Variants in BAIAP2L2 observed in about 807,000 individuals in gnomAD.
The protein encoded by BAIAP2L2 is BAR/IMD domain-containing adapter protein 2-like 2.
BAIAP2L2 carries 65 observed loss-of-function variants against 60.4 expected under a neutral mutation model. That is an observed-to-expected ratio of 1.08 (90% CI 0.88 to 1.32). BAIAP2L2 has a LOEUF of 1.32. Ranked by LOEUF, BAIAP2L2 falls within the 40% of genes most tolerant of loss-of-function variation. BAIAP2L2 has a pLI of 0.00. For missense variants in BAIAP2L2, 836 were observed against 741.2 expected (o/e 1.13, Z -1.48); for synonymous variants, 344 against 301.7 (o/e 1.14, Z -1.45).
intron 8 of BAIAP2L2, 67 bp downstream of exon 8, chr22:38,089,434 GGAGGCTCCAGGCTGGGGGCCT>G: frequency 1.4e-6 from 1 of 725,518 alleles, no homozygotes; most frequent in Non-Finnish European, 1.9e-6. Flanking sequence ...CTGGGGGGCA[GGAGGCTCCAGGCTGGGGGCCT>G]GAGGCCCCGG....
chr22:38,085,528 T>G (rs2086034471), intron 13 of BAIAP2L2, among the ~76,000 whole-genome samples, 153 bp from the exon 14 acceptor site: 1 of 152,120 alleles, frequency 6.6e-6, no homozygotes, highest in African/African-American at 2.4e-5. Context: ...TTTTTTTTCT[T>G]TTAAGAGATA....
In BAIAP2L2 at chr22:38,088,908, G is replaced by A; in HGVS notation, c.958C>T (p.Pro320Ser). 3 of 1,560,768 alleles carry A rather than the reference G, an allele frequency of 1.9e-6. No individual in the cohort carries two copies. Among genetic ancestry groups the A allele is most frequent in the Non-Finnish European group, 2.6e-6 (3 of 1,160,880 alleles). ...SSRSNSFGER[P>S]GGGGGARRVR... ...CTCCTGGCGCCCCCGCCGCCGCCCG[G>A]GCGCTCGCCAAAGGAGTTGGAGCGC... Residue 320 changes from proline to serine, a missense_variant, in exon 10 of 14, where the codon CCG becomes TCG. Coordinates refer to ENST00000381669, the MANE Select transcript of BAIAP2L2 (RefSeq NM_025045.6).
intron 8 of BAIAP2L2, 59 bp downstream of exon 8, chr22:38,089,447 TGGGGGCCTGAGGCCCC>T (rs1018642479): frequency 1.3e-6 from 1 of 787,922 alleles, no homozygotes; most frequent in African/African-American, 2.0e-5. Flanking sequence ...GGCTCCAGGC[TGGGGGCCTGAGGCCCC>T]GGGCCCCCGC....
At chr22:38,101,370 A>AT (rs1415677420) in intron 4 of BAIAP2L2, among the ~76,000 whole-genome samples, 1 of 97,370 alleles carries the variant, frequency 1.0e-5, no homozygotes, top group African/African-American at 4.4e-5. Context: ...CTGTCTCTAC[A>AT]TAAAAAAAAA....
At chr22:38,103,005 C>A (rs994581853) in intron 4 of BAIAP2L2, among the ~76,000 whole-genome samples, 2 of 151,280 alleles carry the variant, frequency 1.3e-5, no homozygotes, top group African/African-American at 4.9e-5. Context: ...GATATCACAC[C>A]ACTGCACTCC....
chr22:38,099,879 CAGA>C (rs2086529050), intron 4 of BAIAP2L2, among the ~76,000 whole-genome samples: 2 of 152,188 alleles, frequency 1.3e-5, no homozygotes, highest in South Asian at 4.1e-4. Context: ...GGGGATCGCC[CAGA>C]AAAGGAATGC....
chr22:38,104,698 G>T (rs768009674), intron 4 of BAIAP2L2, among the ~76,000 whole-genome samples: 2 of 152,096 alleles, frequency 1.3e-5, no homozygotes. Context: ...GGGTCTCACC[G>T]TGTTAGCCAG....
chr22:38,107,259 C>T (rs184713124), intron 4 of BAIAP2L2, among the ~76,000 whole-genome samples: 4 of 152,146 alleles, frequency 2.6e-5, no homozygotes, highest in Non-Finnish European at 4.4e-5. Context: ...AAGGAGGGGA[C>T]AGCTGCTTCC....
At chr22:38,101,926 C>T (rs967162802) in intron 4 of BAIAP2L2, among the ~76,000 whole-genome samples, 3 of 152,110 alleles carry the variant, frequency 2.0e-5, no homozygotes, top group African/African-American at 7.2e-5. Context: ...AGACAACATT[C>T]AGAACAAAAC....
intron 8 of BAIAP2L2, 60 bp downstream of exon 8, chr22:38,089,462 C>T (rs1386821685): frequency 2.9e-6 from 3 of 1,028,338 alleles, no homozygotes; most frequent in Non-Finnish European, 2.5e-6. Flanking sequence ...GCCTGAGGCC[C>T]CGGGCCCCCG....
chr22:38,103,862 C>CA (rs35813107), intron 4 of BAIAP2L2, among the ~76,000 whole-genome samples: 56,441 of 109,008 alleles, frequency 0.52, 12,881 homozygotes, highest in South Asian at 0.65. Context: ...GACTCCATGT[C>CA]AAAAAAAAAA....
Position 38,084,966 on chromosome 22 carries a change from C to T in BAIAP2L2, c.*334G>A, listed in dbSNP as rs748672035. 25 of 279,414 alleles carry T rather than the reference C, an allele frequency of 8.9e-5. No individual in the cohort carries two copies. The highest frequency in any genetic ancestry group is 5.1e-4 in the African/African-American group (19 of 37,530). The allele number at this position is 279,414 out of a possible 1,614,324, so 17.3% of individuals were successfully genotyped here. A position where few individuals can be genotyped will look rare whatever the true frequency, so the allele number is the denominator to read the frequency against. ...GTACAGAGAGGGCATGTGTTGGGCACGGAGCAGGTACAAGGGGCTCCTCCC... is the reference window on the plus strand; with the variant it reads ...GTACAGAGAGGGCATGTGTTGGGCATGGAGCAGGTACAAGGGGCTCCTCCC... On this transcript the variant is annotated 3_prime_UTR_variant, in exon 14 of 14. Coordinates refer to ENST00000381669, the MANE Select transcript of BAIAP2L2 (RefSeq NM_025045.6).
chr22:38,087,155 G>C lies in BAIAP2L2; in HGVS notation c.1228C>G (p.Pro410Ala). The C allele has an allele frequency of 6.2e-7, 1 of 1,602,132 alleles. No individual in the cohort carries two copies. Among genetic ancestry groups the C allele is most frequent in the Non-Finnish European group, 8.5e-7 (1 of 1,175,628 alleles). Reference protein sequence around the residue: ...TSMTSMSPMTPMNPGNELPSR... With the variant: ...TSMTSMSPMTAMNPGNELPSR... ...GGCAGCTCGTTCCCGGGGTTCATGG[G>C]TGTCATGGGGGACATGGAGGTCATG... Residue 410 changes from proline (P) to alanine (A), a missense_variant, in exon 11 of 14, where the codon CCC becomes GCC. Pro to Ala is a conservative substitution (Grantham distance 27). Coordinates refer to ENST00000381669, the MANE Select transcript of BAIAP2L2 (RefSeq NM_025045.6).
At chr22:38,088,442 C>A (rs1183609028) in intron 10 of BAIAP2L2, among the ~76,000 whole-genome samples, 2 of 152,246 alleles carry the variant, frequency 1.3e-5, no homozygotes, top group Non-Finnish European at 2.9e-5. Flanking sequence ...CTCCCAGAGG[C>A]AGGCACACAG....
chr22:38,096,544 A>AC (rs1158055428), intron 7 of BAIAP2L2, among the ~76,000 whole-genome samples: 3 of 152,162 alleles, frequency 2.0e-5, no homozygotes, highest in Admixed American at 1.3e-4. Context: ...AGTCCCAGCT[A>AC]CTCGGGAGGC....
intron 1 of BAIAP2L2, among the ~76,000 whole-genome samples, 198 bp downstream of exon 1, chr22:38,110,277 G>C (rs1398990875): frequency 6.6e-6 from 1 of 151,562 alleles, no homozygotes; most frequent in Non-Finnish European, 1.5e-5. Context: ...CAGCATCTGG[G>C]AGTTGGGGGT....
chr22:38,089,395 G>A, intron 8 of BAIAP2L2, 127 bp downstream of exon 8: 1 of 615,462 alleles, frequency 1.6e-6, no homozygotes, highest in Non-Finnish European at 2.3e-6. Context: ...CGGAAGGGCA[G>A]GCCGGGGGAT....
Position 38,087,148 on chromosome 22 carries a change from T to TTCATGGGTGTCATGGGTG in BAIAP2L2, c.1234_1235insCACCCATGACACCCATGA (p.Met411_Asn412insThrProMetThrProMet), listed in dbSNP as rs132924. 71 of 1,592,016 alleles carry TTCATGGGTGTCATGGGTG rather than the reference T, an allele frequency of 4.5e-5. No individual in the cohort carries two copies. Among genetic ancestry groups the TTCATGGGTGTCATGGGTG allele is most frequent in the South Asian group, 2.7e-4 (24 of 88,104 alleles). On this transcript the variant is annotated inframe_insertion, in exon 11 of 14. Transcript: ENST00000381669. ...CCTGGAAGGCAGCTCGTTCCCGGGG[T>TTCATGGGTGTCATGGGTG]TCATGGGTGTCATGGGGGACATGGA... is the stretch of plus-strand genomic sequence containing the variant.
chr22:38,094,655 T>C (rs540869504), intron 7 of BAIAP2L2, among the ~76,000 whole-genome samples: 1 of 152,302 alleles, frequency 6.6e-6, no homozygotes, highest in Admixed American at 6.5e-5. Context: ...AAGGAAGTTG[T>C]TTCTCCCTGG....
Sources: gnomAD v4.1 joint callset for allele counts (sites outside exome capture counted in the v4.1 genomes callset) on GRCh38, gnomAD v4.1.1 for gene constraint, MANE v1.5 for transcripts, NCBI Gene and HGNC (gene_info 2026-07-23, HGNC 2026-07-21) for gene names.